KPNA3: variants seen among roughly 807,000 people sequenced by gnomAD.
KPNA3 encodes importin subunit alpha-4.
Under a neutral mutation model 73.8 loss-of-function variants are expected in KPNA3, and 13 were observed. The ratio of observed to expected loss-of-function variants is 0.18; its 90% CI spans 0.11 to 0.28. The LOEUF (loss-of-function observed/expected upper bound fraction) is 0.28, where lower values mean the gene tolerates loss of function less well. KPNA3 is among the 10% of genes least tolerant of loss of function. The pLI is 1.00. For synonymous variants in KPNA3, 186 were observed against 206.9 expected (o/e 0.90, Z 0.87); for missense variants, 360 against 618.1 (o/e 0.58, Z 4.43).
intron 10 of KPNA3, among the ~76,000 whole-genome samples, chr13:49,719,344 T>C (rs1020236463): frequency 2.0e-5 from 3 of 152,164 alleles, no homozygotes; most frequent in African/African-American, 7.2e-5. Flanking sequence ...ACTCTGACCC[T>C]TACTAGCTCT....
At chr13:49,767,039 T>C (rs7987502) in intron 1 of KPNA3, among the ~76,000 whole-genome samples, 44,375 of 148,588 alleles carry the variant, frequency 0.3, 6,875 homozygotes, top group Non-Finnish European at 0.34. Flanking sequence ...TGACTGAAAG[T>C]ATAGGTTTAG....
intron 1 of KPNA3, among the ~76,000 whole-genome samples, chr13:49,775,373 T>TCCACCACCCAAATCCCCGGG (rs1700654166): frequency 6.6e-6 from 1 of 151,552 alleles, no homozygotes. Context: ...CTACATAGGC[T>TCCACCACCCAAATCCCCGGG]CCACCACCCA....
chr13:49,714,076 C>T (rs1037100066), intron 10 of KPNA3, among the ~76,000 whole-genome samples: 2 of 152,094 alleles, frequency 1.3e-5, no homozygotes, highest in Admixed American at 6.5e-5. Context: ...TTATTTAAAA[C>T]AGTGATTAAA....
chr13:49,777,667 A>ATTT (rs146787105), intron 1 of KPNA3, among the ~76,000 whole-genome samples: 117 of 141,368 alleles, frequency 8.3e-4, no homozygotes, highest in African/African-American at 2.7e-3. Flanking sequence ...CACCCAGATG[A>ATTT]TTTTTTTTTT....
intron 15 of KPNA3, among the ~76,000 whole-genome samples, chr13:49,704,436 AATAAATAAAT>A (rs1566330819): frequency 9.7e-3 from 65 of 6,708 alleles, no homozygotes; most frequent in East Asian, 0.069. Flanking sequence ...ATAAATAAAA[AATAAATAAAT>A]AAATAAATAA....
intron 1 of KPNA3, among the ~76,000 whole-genome samples, chr13:49,779,254 T>TA (rs1954922513): frequency 6.6e-6 from 1 of 152,254 alleles, no homozygotes; most frequent in African/African-American, 2.4e-5. Flanking sequence ...GTACAGTACT[T>TA]ACCTCAGCTG....
At chr13:49,756,724 C>A (rs991201286) in intron 1 of KPNA3, among the ~76,000 whole-genome samples, 1 of 151,856 alleles carries the variant, frequency 6.6e-6, no homozygotes. Context: ...AAAATTTATA[C>A]GGAAAGGCAA....
intron 1 of KPNA3, among the ~76,000 whole-genome samples, chr13:49,761,695 C>A (rs1284819982): frequency 6.6e-5 from 10 of 151,440 alleles, no homozygotes; most frequent in African/African-American, 2.0e-4. Context: ...TCTGCCTGGC[C>A]GCCCATCGTC....
At chr13:49,765,940 A>G (rs1343727528) in intron 1 of KPNA3, among the ~76,000 whole-genome samples, 4 of 152,272 alleles carry the variant, frequency 2.6e-5, no homozygotes, top group East Asian at 1.9e-4. Flanking sequence ...TCTCTCCTGA[A>G]CTAAAGTATC....
In KPNA3 at chr13:49,722,112, T is replaced by G. The variant is rs771224261; in HGVS notation, c.569A>C (p.Gln190Pro). Residue 190 changes from glutamine (Q) to proline (P), a missense_variant, in exon 9 of 17, where the codon CAA becomes CCA. By Grantham distance (76) the Gln-to-Pro change is moderately conservative. This residue lies in a region of KPNA3 where 287 missense variants were observed against 549.1 expected (regional missense o/e 0.52). Coordinates refer to ENST00000261667, the MANE Select transcript of KPNA3 (RefSeq NM_002267.4). Reference sequence around the variant, plus strand: ...CAGTGATATGACATAATCTCTACATTGAGGACCATCACCTACAGAAATGAA... The same window carrying G: ...CAGTGATATGACATAATCTCTACATGGAGGACCATCACCTACAGAAATGAA... ...ALGNIIGDGP[Q>P]CRDYVISLGV... The G allele has an allele frequency of 1.0e-5, 16 of 1,561,452 alleles. No homozygotes were observed. The highest frequency in any genetic ancestry group is 2.6e-6 in the Non-Finnish European group (3 of 1,156,412).
At chr13:49,711,055 A>T in intron 10 of KPNA3, 33 bp from the exon 11 acceptor site, 2 of 1,582,288 alleles carry the variant, frequency 1.3e-6, no homozygotes, top group Non-Finnish European at 1.7e-6. Context: ...ACCATTTTAC[A>T]TATTTGTTTG....
chr13:49,721,913 T>A (rs779991743), intron 9 of KPNA3, 42 bp downstream of exon 9: 1 of 1,337,972 alleles, frequency 7.5e-7, no homozygotes, highest in Non-Finnish European at 1.0e-6. Flanking sequence ...AGTACAAACA[T>A]AGGGAAAATA....
chr13:49,712,420 C>A (rs779395655), intron 10 of KPNA3, among the ~76,000 whole-genome samples: 1 of 150,920 alleles, frequency 6.6e-6, no homozygotes, highest in Admixed American at 6.6e-5. Flanking sequence ...CAAAAAAACC[C>A]GACATGATAG....
Position 49,768,898 on chromosome 13 carries a change from G to A in KPNA3, c.70-21905C>T, listed in dbSNP as rs190493481. 1.1e-3 allele frequency among the ~76,000 whole-genome samples: 175 copies of A among 152,208 alleles called. 1 individual carries two copies. The highest frequency in any genetic ancestry group is 4.0e-3 in the African/African-American group (168 of 41,530). On this transcript the variant is annotated intron_variant, in intron 1 of 16. Coordinates refer to ENST00000261667, the MANE Select transcript of KPNA3 (RefSeq NM_002267.4). ...GGATTTACCCACTAAGTTTCTTGCT[G>A]TTCTGTTAGCCCAGAACTCTGTATC... is the stretch of plus-strand genomic sequence containing the variant.
At chr13:49,768,553 A>G (rs1245057523) in intron 1 of KPNA3, among the ~76,000 whole-genome samples, 1 of 124,578 alleles carries the variant, frequency 8.0e-6, no homozygotes, top group Non-Finnish European at 1.6e-5. Context: ...GCCTGTCTTC[A>G]TTTGGGTTAA....
At chr13:49,755,935 C>A (rs1954707421) in intron 1 of KPNA3, among the ~76,000 whole-genome samples, 1 of 152,108 alleles carries the variant, frequency 6.6e-6, no homozygotes, top group Admixed American at 6.6e-5. Flanking sequence ...AATTATATTT[C>A]TATATACTAG....
In KPNA3 at chr13:49,713,297, A is replaced by AACAC. The variant is rs35263412; in HGVS notation, c.772-2279_772-2276dup. ...AATCACTGTTTTAAAGCAGAGAATA[A>AACAC]ACACACACACACACACACACACAAA... On this transcript the variant is annotated intron_variant, in intron 10 of 16. Coordinates refer to ENST00000261667, the MANE Select transcript of KPNA3 (RefSeq NM_002267.4). 2.4e-3 allele frequency among the ~76,000 whole-genome samples: 363 copies of AACAC among 148,688 alleles called. 2 individuals carry two copies. The highest frequency in any genetic ancestry group is 6.6e-3 in the South Asian group (31 of 4,688).
At chr13:49,746,779 C>T (rs1243595346) in intron 2 of KPNA3, among the ~76,000 whole-genome samples, 170 bp downstream of exon 2, 2 of 152,066 alleles carry the variant, frequency 1.3e-5, no homozygotes, top group Non-Finnish European at 2.9e-5. Context: ...GGGCCTAGTA[C>T]CCTCAGTAAA....
chr13:49,736,492 T>A (rs1954522393), intron 2 of KPNA3, among the ~76,000 whole-genome samples: 1 of 152,216 alleles, frequency 6.6e-6, no homozygotes. Flanking sequence ...AACTTAGACT[T>A]TTTTTGGTAA....
Sources: gnomAD v4.1 joint callset for allele counts (sites outside exome capture counted in the v4.1 genomes callset) on GRCh38, gnomAD v4.1.1 for gene constraint, gnomAD v4.1.1 regional missense constraint, MANE v1.5 for transcripts, NCBI Gene and HGNC (gene_info 2026-07-23, HGNC 2026-07-21) for gene names.